Variants in WDR74 observed in about 807,000 individuals in gnomAD.
WDR74 encodes the protein WD repeat-containing protein 74.
A neutral mutation model predicts 45.6 loss-of-function variants in WDR74; 31 were observed. That is an observed-to-expected ratio of 0.68 (90% CI 0.51 to 0.92). The LOEUF (loss-of-function observed/expected upper bound fraction) is 0.92, where lower values mean the gene tolerates loss of function less well. Ranked by LOEUF, WDR74 falls within the 40% of genes least tolerant of loss-of-function variation. The probability of loss-of-function intolerance (pLI) is 0.00; values close to 1 mark genes in which losing one functional copy is unlikely to be tolerated. For missense variants in WDR74, 455 were observed against 497.2 expected, an observed-to-expected ratio of 0.92 and a Z score of 0.81; for synonymous variants, 191 against 192.4, an observed-to-expected ratio of 0.99 and a Z score of 0.06.
intron 3 of WDR74, 92 bp downstream of exon 3, chr11:62,839,022 T>C (rs2085002692): frequency 1.3e-6 from 2 of 1,560,036 alleles, no homozygotes; most frequent in Admixed American, 1.8e-5. Context: ...GCCGTGTCAC[T>C]AAGAGTTTGC....
chr11:62,841,522 C>G (rs777679828), upstream of WDR74: 2 of 152,028 alleles, frequency 1.3e-5, no homozygotes, highest in Non-Finnish European at 2.9e-5. Context: ...GCGATAAAAA[C>G]ACCTAATCCA....
intron 8 of WDR74, 99 bp from the exon 9 acceptor site, chr11:62,834,036 C>A: frequency 6.6e-7 from 1 of 1,525,642 alleles, no homozygotes; most frequent in Non-Finnish European, 8.9e-7. Flanking sequence ...ATTTAATCTG[C>A]AACAAAACCC....
Position 62,835,459 on chromosome 11 carries a change from T to TTCTG in WDR74, c.586_589dup (p.Lys197ThrfsTer16), listed in dbSNP as rs758354143. 1 of 1,613,940 alleles carries TTCTG rather than the reference T, an allele frequency of 6.2e-7. No individual in the cohort carries two copies. Among genetic ancestry groups the TTCTG allele is most frequent in the Non-Finnish European group, 8.5e-7 (1 of 1,179,864 alleles). ...GTGGTACCCTGTGCAGGTGACAAGC[T>TTCTG]TCTGTGATCCTGGGAGAAACTGTAT... On this transcript the variant is annotated frameshift_variant, in exon 6 of 11. Transcript: ENST00000278856. LOFTEE classifies it high-confidence loss of function.
chr11:62,833,759 G>C, intron 9 of WDR74, 33 bp downstream of exon 9: 1 of 1,610,054 alleles, frequency 6.2e-7, no homozygotes, highest in Non-Finnish European at 8.5e-7. Context: ...GCCTCCACAA[G>C]ACCATGAGTT....
chr11:62,839,749 G>A, upstream of WDR74: 2 of 752,362 alleles, frequency 2.7e-6, no homozygotes, highest in Non-Finnish European at 4.2e-6. Context: ...TATGTAGATC[G>A]GAAGAATACA....
chr11:62,834,518 A>T lies in WDR74; in HGVS notation c.628T>A (p.Tyr210Asn), dbSNP rs1253902215. Residue 210 changes from tyrosine (Y) to asparagine (N), a missense_variant, in exon 7 of 11, where the codon TAT (tyrosine) becomes AAT (asparagine). Physicochemically the swap from Tyr to Asn is moderately radical, Grantham distance 143 (BLOSUM62 -2). Transcript: ENST00000278856. ...TCTGYHQVRVYDPASPQRRPV... is the reference protein window; with the variant it reads ...TCTGYHQVRVNDPASPQRRPV... ...CGGCGCTGGGGGGATGCTGGATCAT[A>T]AACACGGACCTAGAGGAAGGCTGAA... The T allele has an allele frequency of 6.2e-7, 1 of 1,608,222 alleles. No individual in the cohort carries two copies.
chr11:62,839,543 G>A lies in WDR74; in HGVS notation c.28C>T (p.His10Tyr), dbSNP rs1424456556. The A allele has an allele frequency of 1.2e-6, 2 of 1,613,030 alleles. No homozygotes were observed. Among genetic ancestry groups the A allele is most frequent in the African/African-American group, 1.3e-5 (1 of 75,032 alleles). ...CCAGTCTCGGTGCCGACCCACACAT[G>A]GTTCCAGCGTGCAGCAGCAGCCGCC... Reference protein sequence around the residue: MAAAAARWNHVWVGTETGIL... With the variant: MAAAAARWNYVWVGTETGIL... The change falls in exon 1 of 11, where the codon CAT becomes TAT. Residue 10 changes from histidine (H) to tyrosine (Y), a missense_variant. Coordinates refer to ENST00000278856, the MANE Select transcript of WDR74 (RefSeq NM_001369450.1).
upstream of WDR74, chr11:62,839,766 A>T: frequency 1.4e-6 from 1 of 692,702 alleles, no homozygotes; most frequent in Non-Finnish European, 2.3e-6. Context: ...TACATTGATC[A>T]TTTTGCACTT....
chr11:62,837,402 C>A (rs930206975), intron 3 of WDR74, among the ~76,000 whole-genome samples: 2 of 150,802 alleles, frequency 1.3e-5, no homozygotes, highest in Non-Finnish European at 2.9e-5. Flanking sequence ...GAGGCTGAGG[C>A]AAGAGAATCG....
chr11:62,834,391 C>CGCG, intron 7 of WDR74, 36 bp downstream of exon 7: 1 of 699,848 alleles, frequency 1.4e-6, no homozygotes, highest in Non-Finnish European at 2.4e-6. Flanking sequence ...CCTTCTCAAG[C>CGCG]CCCACCCTCC....
intron 10 of WDR74, among the ~76,000 whole-genome samples, 180 bp from the exon 11 acceptor site, chr11:62,833,311 A>G (rs1590983276): frequency 6.6e-6 from 1 of 150,562 alleles, no homozygotes; most frequent in Admixed American, 6.6e-5. Context: ...AAAAAAAAAA[A>G]AAAAAAAAAA....
At chr11:62,835,938 C>T in intron 4 of WDR74, 23 bp downstream of exon 4, 1 of 1,587,630 alleles carries the variant, frequency 6.3e-7, no homozygotes, top group Non-Finnish European at 8.6e-7. Context: ...CCTCCCCCAA[C>T]CATCAGGGCA....
chr11:62,834,594 C>T, intron 6 of WDR74, 67 bp from the exon 7 acceptor site: 1 of 1,356,640 alleles, frequency 7.4e-7, no homozygotes, highest in Non-Finnish European at 1.0e-6. Context: ...GTCTCTGCAT[C>T]CTCACCCCCT....
chr11:62,841,240 C>A (rs1426794983), upstream of WDR74, among the ~76,000 whole-genome samples: 4 of 152,124 alleles, frequency 2.6e-5, no homozygotes, highest in Non-Finnish European at 5.9e-5. Flanking sequence ...TCGCATGAAC[C>A]CGGGAGGCGG....
upstream of WDR74, among the ~76,000 whole-genome samples, chr11:62,841,362 T>C (rs960520295): frequency 6.6e-6 from 1 of 151,574 alleles, no homozygotes; most frequent in Non-Finnish European, 1.5e-5. Flanking sequence ...TAGCCGGGGG[T>C]GGTGGCAAGC....
chr11:62,837,445 C>T (rs565289275), intron 3 of WDR74, among the ~76,000 whole-genome samples: 2 of 150,118 alleles, frequency 1.3e-5, no homozygotes, highest in African/African-American at 2.5e-5. Flanking sequence ...TGCAGTGAGC[C>T]GAGACTGTGC....
chr11:62,834,388 A>G (rs1040798175), intron 7 of WDR74, 39 bp downstream of exon 7: 1 of 1,607,058 alleles, frequency 6.2e-7, no homozygotes, highest in African/African-American at 1.3e-5. Context: ...AGCCCTTCTC[A>G]AGCCCCACCC....
At chr11:62,837,017 A>G (rs926394899) in intron 3 of WDR74, among the ~76,000 whole-genome samples, 1 of 152,172 alleles carries the variant, frequency 6.6e-6, no homozygotes, top group African/African-American at 2.4e-5. Context: ...TGGAGGTTGC[A>G]GTGAGCCGAG....
At chr11:62,834,190 C>T in intron 8 of WDR74, 86 bp downstream of exon 8, 4 of 1,585,906 alleles carry the variant, frequency 2.5e-6, no homozygotes, top group Non-Finnish European at 3.5e-6. Context: ...AATGAGGCCT[C>T]ACTGGCCCCA....
Sources: gnomAD v4.1 joint callset for allele counts (sites outside exome capture counted in the v4.1 genomes callset) on GRCh38, gnomAD v4.1.1 for gene constraint, MANE v1.5 for transcripts, NCBI Gene and HGNC (gene_info 2026-07-23, HGNC 2026-07-21) for gene names.